The following PRKG1 variants were observed in gnomAD, a reference collection of about 807,000 sequenced individuals.
The protein encoded by PRKG1 is cGMP-dependent protein kinase 1.
Under a neutral mutation model 88.1 loss-of-function variants are expected in PRKG1, and 35 were observed. The observed-to-expected ratio is 0.40, with a 90% CI of 0.30 to 0.53. The LOEUF is 0.53. Among genes scored for constraint, PRKG1 ranks in the 20% least tolerant of loss-of-function variants. The pLI, the probability that PRKG1 is intolerant of heterozygous loss-of-function variation, is 0.59. For synonymous variants in PRKG1, 303 were observed against 292.5 expected (o/e 1.04, Z -0.37); for missense variants, 540 against 839.8 (o/e 0.64, Z 4.41).
At chr10:52,189,686 A>C (rs1010128423) in intron 9 of PRKG1, among the ~76,000 whole-genome samples, 9 of 152,148 alleles carry the variant, frequency 5.9e-5, no homozygotes, top group Non-Finnish European at 1.3e-4. Context: ...TGATGCCAAA[A>C]AGGTTGGGGA....
At chr10:51,305,533 A>G (rs1280176813) in intron 2 of PRKG1, among the ~76,000 whole-genome samples, 1 of 152,132 alleles carries the variant, frequency 6.6e-6, no homozygotes, top group Non-Finnish European at 1.5e-5. Context: ...AAAATCCTCA[A>G]AAACAAAAAC....
chr10:51,020,268 A>G (rs1843118153), intron 1 of PRKG1, among the ~76,000 whole-genome samples: 1 of 152,158 alleles, frequency 6.6e-6, no homozygotes, highest in South Asian at 2.1e-4. Context: ...GATTGAGATT[A>G]CAGGCATGTT....
Position 51,431,576 on chromosome 10 carries a change from G to A in PRKG1, c.479-36147G>A, listed in dbSNP as rs190061293. 2.5e-3 allele frequency among the ~76,000 whole-genome samples: 375 copies of A among 152,262 alleles called. 3 individuals are homozygous for A. The highest frequency in any genetic ancestry group is 8.8e-3 in the African/African-American group (365 of 41,566). ...GCTCTGGGTTGGTTAGTTTGCAAATGAAAGGCATGTTCCCTGCTGAGGCCT... is the reference window on the plus strand; with the variant it reads ...GCTCTGGGTTGGTTAGTTTGCAAATAAAAGGCATGTTCCCTGCTGAGGCCT... On this transcript the variant is annotated intron_variant, in intron 2 of 17. Transcript: ENST00000373980.
At chr10:51,425,300 G>A (rs1838543957) in intron 2 of PRKG1, among the ~76,000 whole-genome samples, 1 of 152,150 alleles carries the variant, frequency 6.6e-6, no homozygotes, top group Non-Finnish European at 1.5e-5. Context: ...TAATTAAATT[G>A]TTCCAGTTGT....
chr10:51,032,695 G>T (rs1843299396), intron 1 of PRKG1, among the ~76,000 whole-genome samples: 1 of 152,120 alleles, frequency 6.6e-6, no homozygotes, highest in Admixed American at 6.5e-5. Flanking sequence ...GGAGGCAGAG[G>T]TTGCAGTGAG....
intron 1 of PRKG1, among the ~76,000 whole-genome samples, chr10:51,023,618 T>C (rs1263759421): frequency 1.3e-5 from 2 of 152,172 alleles, no homozygotes; most frequent in African/African-American, 4.8e-5. Context: ...AAATCATGAG[T>C]ATTTGTTTAA....
intron 3 of PRKG1, among the ~76,000 whole-genome samples, chr10:51,677,129 A>G (rs1338750123): frequency 5.3e-5 from 8 of 152,144 alleles, no homozygotes; most frequent in Non-Finnish European, 1.0e-4. Context: ...ATGGAATTAT[A>G]CAATGCCTTT....
At chr10:52,107,972 A>G (rs557442768) in intron 7 of PRKG1, among the ~76,000 whole-genome samples, 1 of 152,340 alleles carries the variant, frequency 6.6e-6, no homozygotes, top group South Asian at 2.1e-4. Flanking sequence ...ACAATATGGC[A>G]TGTTTGATTT....
chr10:51,858,583 T>A (rs1030447815), intron 4 of PRKG1, among the ~76,000 whole-genome samples: 5 of 149,100 alleles, frequency 3.4e-5, no homozygotes, highest in African/African-American at 1.2e-4. Flanking sequence ...TATTAAAACA[T>A]TTTGCACCTA....
chr10:52,270,835 C>T (rs980675773), intron 10 of PRKG1, among the ~76,000 whole-genome samples: 10 of 150,786 alleles, frequency 6.6e-5, no homozygotes, highest in South Asian at 2.1e-4. Context: ...CAAACCTGCG[C>T]GTTGTACACA....
At chr10:52,174,087 T>C (rs1052642083) in intron 9 of PRKG1, among the ~76,000 whole-genome samples, 1 of 144,994 alleles carries the variant, frequency 6.9e-6, no homozygotes, top group African/African-American at 2.7e-5. Context: ...TTGCTCACTA[T>C]GCTAGTAATC....
At chr10:51,707,777 C>T (rs974837207) in intron 3 of PRKG1, among the ~76,000 whole-genome samples, 4 of 152,254 alleles carry the variant, frequency 2.6e-5, no homozygotes, top group African/African-American at 9.6e-5. Context: ...CAGGCTCAGA[C>T]TGTTGAAAAC....
intron 7 of PRKG1, among the ~76,000 whole-genome samples, chr10:52,114,805 T>C (rs1847648723): frequency 6.6e-6 from 1 of 152,112 alleles, no homozygotes; most frequent in South Asian, 2.1e-4. Context: ...CTCAATTAAG[T>C]ATTATTTAAT....
At chr10:51,741,208 A>T (rs2132490692) in intron 3 of PRKG1, among the ~76,000 whole-genome samples, 1 of 152,262 alleles carries the variant, frequency 6.6e-6, no homozygotes, top group Non-Finnish European at 1.5e-5. Flanking sequence ...GGTGTAAAAT[A>T]TACATTTTAA....
At chr10:51,939,839 T>C (rs1842868941) in intron 5 of PRKG1, among the ~76,000 whole-genome samples, 1 of 151,570 alleles carries the variant, frequency 6.6e-6, no homozygotes, top group Non-Finnish European at 1.5e-5. Flanking sequence ...AAATGTGGTT[T>C]GCTATGAAAA....
At chr10:51,943,768 A>G (rs374289905) in intron 5 of PRKG1, among the ~76,000 whole-genome samples, 1 of 151,850 alleles carries the variant, frequency 6.6e-6, no homozygotes, top group Non-Finnish European at 1.5e-5. Flanking sequence ...ATTGATTTGC[A>G]TATATTGAAC....
At chr10:51,144,874 C>G (rs1396504149) in intron 1 of PRKG1, among the ~76,000 whole-genome samples, 1 of 152,040 alleles carries the variant, frequency 6.6e-6, no homozygotes, top group African/African-American at 2.4e-5. Flanking sequence ...CATTATCAGT[C>G]AAGAGAAAGT....
At chr10:51,983,627 G>A (rs1175626754) in intron 5 of PRKG1, among the ~76,000 whole-genome samples, 2 of 152,152 alleles carry the variant, frequency 1.3e-5, no homozygotes, top group Non-Finnish European at 2.9e-5. Flanking sequence ...GAGCCTGGGG[G>A]ATGGGCATTC....
In PRKG1 at chr10:51,512,055, A is replaced by C. The variant is rs1841427562; in HGVS notation, c.592+44219A>C. ...ATATGTCATGTGATTCCATTTATAC[A>C]AAGTACCAACATTGGCAAAACTATA... is the stretch of plus-strand genomic sequence containing the variant. On this transcript the variant is annotated intron_variant, in intron 3 of 17. Coordinates refer to ENST00000373980, the MANE Select transcript of PRKG1 (RefSeq NM_006258.4). Among the ~76,000 whole-genome samples, 3 of 152,314 alleles carry C rather than the reference A, an allele frequency of 2.0e-5. No homozygotes were observed. In the South Asian group the frequency reaches 6.2e-4, roughly 32 times the overall value.
Sources: gnomAD v4.1 joint callset for allele counts (sites outside exome capture counted in the v4.1 genomes callset) on GRCh38, gnomAD v4.1.1 for gene constraint, MANE v1.5 for transcripts, NCBI Gene and HGNC (gene_info 2026-07-23, HGNC 2026-07-21) for gene names.